The following LEP variants were observed in gnomAD, a reference collection of about 807,000 sequenced individuals.
The protein encoded by LEP is leptin, also known as leptin (murine obesity homolog).
A neutral mutation model predicts 9.8 loss-of-function variants in LEP; 6 were observed. The observed-to-expected ratio is 0.61, with a 90% CI of 0.34 to 1.21. The LOEUF (loss-of-function observed/expected upper bound fraction) is 1.21. Ranked by LOEUF, LEP falls within the 50% of genes most tolerant of loss-of-function variation. LEP has a pLI of 0.04. For missense variants in LEP, 134 were observed against 198.1 expected, an observed-to-expected ratio of 0.68 and a Z score of 1.94; for synonymous variants, 112 against 81.7, an observed-to-expected ratio of 1.37 and a Z score of -2.00.
chr7:128,242,057 G>T (rs1286988158), intron 1 of LEP, among the ~76,000 whole-genome samples: 1 of 152,232 alleles, frequency 6.6e-6, no homozygotes, highest in Non-Finnish European at 1.5e-5. Flanking sequence ...CCTTCCTTCA[G>T]TCTGGGCTTG....
chr7:128,249,741 G>C (rs931315039), intron 1 of LEP, among the ~76,000 whole-genome samples: 10 of 152,316 alleles, frequency 6.6e-5, no homozygotes, highest in Non-Finnish European at 1.0e-4. Context: ...ATGAGCATGT[G>C]TGTTATGTGT....
At chr7:128,242,068 G>C (rs1419021638) in intron 1 of LEP, among the ~76,000 whole-genome samples, 1 of 152,198 alleles carries the variant, frequency 6.6e-6, no homozygotes, top group Non-Finnish European at 1.5e-5. Flanking sequence ...TCTGGGCTTG[G>C]TTTGGATTTC....
chr7:128,244,200 T>G (rs748161090), intron 1 of LEP, among the ~76,000 whole-genome samples: 1 of 151,726 alleles, frequency 6.6e-6, no homozygotes, highest in Non-Finnish European at 1.5e-5. Context: ...CCAGTGAGCC[T>G]TGATCACACC....
chr7:128,245,778 G>A (rs1202227347), intron 1 of LEP, among the ~76,000 whole-genome samples: 1 of 152,186 alleles, frequency 6.6e-6, no homozygotes, highest in East Asian at 1.9e-4. Context: ...AAGAGCAGCA[G>A]ATGGGCCAGG....
intron 1 of LEP, among the ~76,000 whole-genome samples, chr7:128,246,099 A>T (rs965618558): frequency 3.3e-5 from 5 of 152,006 alleles, no homozygotes; most frequent in African/African-American, 1.2e-4. Context: ...AAAAAATAAA[A>T]AAAATAAAGA....
At position 128,256,970 on chromosome 7, in the gene LEP, G is replaced by A. The variant is rs1352723875; in HGVS notation, c.*2207G>A. 5.2e-5 allele frequency: 8 copies of A among 152,524 alleles called. No individual in the cohort carries two copies. Among genetic ancestry groups the A allele is most frequent in the Non-Finnish European group, 1.0e-4 (7 of 68,176 alleles). The allele number at this position is 152,524 out of a possible 1,614,324, so 9.4% of individuals were successfully genotyped here. On this transcript the variant is annotated 3_prime_UTR_variant, in exon 3 of 3. Transcript: ENST00000308868. The stretch of plus-strand genomic sequence containing the variant: ...TGTGGAGATGCAGAGGTAAAAGTGT[G>A]AGCAGTGAGTTACAGCGAGAGGCAG...
rs1795322401 is a variant in LEP at position 128,255,116 on chromosome 7, T to TCAGAGAGGG, written c.*359_*367dup. On this transcript the variant is annotated 3_prime_UTR_variant, in exon 3 of 3. Transcript: ENST00000308868. The stretch of plus-strand genomic sequence containing the variant: ...TGCCTCAATGTGACCAGGGGTGATT[T>TCAGAGAGGG]CAGAGAGGGCAGAGGGGTAGGCAGA... The TCAGAGAGGG allele has an allele frequency of 3.1e-6, 1 of 326,884 alleles. No homozygotes were observed. 20.2% of individuals were successfully genotyped at this position (326,884 alleles called of 1,614,324 possible).
rs574100483 is a variant in LEP, at chr7:128,251,901, A to T, written c.-28-90A>T. ...AGAGCAGAAAGCAAAGCTGATTTTC[A>T]TCCCCGTCTGGTAATGTGGTTGGTA... is the stretch of plus-strand genomic sequence containing the variant. On this transcript the variant is annotated intron_variant, in intron 1 of 2. Coordinates refer to ENST00000308868, the MANE Select transcript of LEP (RefSeq NM_000230.3). 21 of 1,069,874 alleles carry T rather than the reference A, an allele frequency of 2.0e-5. No individual in the cohort carries two copies. The African/African-American group carries it at 3.1e-4, about 16-fold the overall frequency. 66.3% of individuals were successfully genotyped at this position (1,069,874 alleles called of 1,614,324 possible). A position where few individuals can be genotyped will look rare whatever the true frequency, so the allele number is the denominator to read the frequency against.
chr7:128,243,811 G>A (rs989515652), intron 1 of LEP, among the ~76,000 whole-genome samples: 1 of 152,164 alleles, frequency 6.6e-6, no homozygotes, highest in Non-Finnish European at 1.5e-5. Flanking sequence ...GATATTTAAC[G>A]AAGCCCTGCC....
intron 1 of LEP, among the ~76,000 whole-genome samples, chr7:128,244,514 C>T (rs1011226504): frequency 6.6e-6 from 1 of 152,210 alleles, no homozygotes; most frequent in Non-Finnish European, 1.5e-5. Context: ...AGCCGAGACT[C>T]TCAAGAGTGC....
chr7:128,244,841 C>G (rs1284723094), intron 1 of LEP, among the ~76,000 whole-genome samples: 1 of 152,168 alleles, frequency 6.6e-6, no homozygotes, highest in Admixed American at 6.5e-5. Flanking sequence ...GAGCCCTCAA[C>G]AGAGATGAAC....
intron 1 of LEP, among the ~76,000 whole-genome samples, chr7:128,246,607 C>T (rs1183505682): frequency 6.6e-6 from 1 of 151,734 alleles, no homozygotes; most frequent in African/African-American, 2.4e-5. Context: ...GCGTTTGCCA[C>T]CACACTCAGC....
chr7:128,250,781 C>T (rs1459359533), intron 1 of LEP, among the ~76,000 whole-genome samples: 2 of 152,184 alleles, frequency 1.3e-5, no homozygotes, highest in Non-Finnish European at 2.9e-5. Context: ...ATTAATTTTA[C>T]TGCCATCTCC....
chr7:128,250,482 G>A (rs960176132), intron 1 of LEP, among the ~76,000 whole-genome samples: 1 of 152,004 alleles, frequency 6.6e-6, no homozygotes, highest in Non-Finnish European at 1.5e-5. Flanking sequence ...GAGCTGGAGG[G>A]GTGGGTGGCT....
At chr7:128,243,388 G>T (rs1041953610) in intron 1 of LEP, among the ~76,000 whole-genome samples, 1 of 152,198 alleles carries the variant, frequency 6.6e-6, no homozygotes, top group African/African-American at 2.4e-5. Flanking sequence ...AGGAAGAGAA[G>T]AGAAACCGCA....
chr7:128,250,449 G>A (rs1289541188), intron 1 of LEP, among the ~76,000 whole-genome samples: 1 of 152,004 alleles, frequency 6.6e-6, no homozygotes, highest in Non-Finnish European at 1.5e-5. Context: ...GGTGTGATTT[G>A]GGCTTTTCCT....
chr7:128,254,498 C>T lies in LEP; in HGVS notation c.239C>T (p.Ala80Val), dbSNP rs780163329. The T allele has an allele frequency of 6.2e-7, 1 of 1,614,166 alleles. No homozygotes were observed. The highest frequency in any genetic ancestry group is 1.7e-5 in the Admixed American group (1 of 60,030). ...LTLSKMDQTLAVYQQILTSMP... is the reference protein window; with the variant it reads ...LTLSKMDQTLVVYQQILTSMP... ...TTATCCAAGATGGACCAGACACTGGCAGTCTACCAACAGATCCTCACCAGT... is the reference window on the plus strand; with the variant it reads ...TTATCCAAGATGGACCAGACACTGGTAGTCTACCAACAGATCCTCACCAGT... The change falls in exon 3 of 3, where the codon GCA (alanine) becomes GTA (valine). Residue 80 changes from alanine to valine, a missense_variant. By Grantham distance (64) the Ala-to-Val change is moderately conservative (BLOSUM62 0). Transcript: ENST00000308868.
rs1378815804 is a variant in LEP, at chr7:128,256,607, T to G, written c.*1844T>G. 2.0e-5 allele frequency: 3 copies of G among 152,266 alleles called. No individual in the cohort carries two copies. Among genetic ancestry groups the G allele is most frequent in the Non-Finnish European group, 4.4e-5 (3 of 68,060 alleles). The allele number at this position is 152,266 out of a possible 1,614,324, so 9.4% of individuals were successfully genotyped here. A position where few individuals can be genotyped will look rare whatever the true frequency, so the allele number is the denominator to read the frequency against. ...AAATGGTATGAGCTGAGGGGGGCCG[T>G]GCCCAGGGGCCCACAGGGAACCCTG... is the stretch of plus-strand genomic sequence containing the variant. On this transcript the variant is annotated 3_prime_UTR_variant, in exon 3 of 3. Coordinates refer to ENST00000308868, the MANE Select transcript of LEP (RefSeq NM_000230.3).
intron 1 of LEP, among the ~76,000 whole-genome samples, chr7:128,241,656 C>A (rs61520280): frequency 1.1e-3 from 169 of 152,318 alleles, no homozygotes; most frequent in African/African-American, 3.9e-3. Context: ...GGATGTCCCA[C>A]CCCAGTCTGA....
Sources: gnomAD v4.1 joint callset for allele counts (sites outside exome capture counted in the v4.1 genomes callset) on GRCh38, gnomAD v4.1.1 for gene constraint, MANE v1.5 for transcripts, NCBI Gene and HGNC (gene_info 2026-07-23, HGNC 2026-07-21) for gene names.